The following HACD1 variants were observed in gnomAD, a reference collection of about 807,000 sequenced individuals.
HACD1 encodes very-long-chain (3R)-3-hydroxyacyl-CoA dehydratase 1.
Under a neutral mutation model 32.0 loss-of-function variants are expected in HACD1, and 41 were observed. The ratio of observed to expected loss-of-function variants is 1.28; its 90% CI spans 1.00 to 1.66. HACD1 has a LOEUF of 1.66. HACD1 is among the 40% of genes most tolerant of loss of function. The pLI is 0.00. For synonymous variants in HACD1, 142 were observed against 139.0 expected (o/e 1.02, Z -0.15); for missense variants, 396 against 380.1 (o/e 1.04, Z -0.35).
Position 17,589,319 on chromosome 10 carries a change from G to C in HACD1, c.*1045C>G, listed in dbSNP as rs1833901115. On this transcript the variant is annotated 3_prime_UTR_variant, in exon 7 of 7. Transcript: ENST00000361271. ...TTTTTCAGAGACAGGGTCTTGCTCT[G>C]TCACCCAGGCTTAAGTACAGTGGTA... 6.6e-6 allele frequency: 1 copy of C among 152,222 alleles called. No individual in the cohort carries two copies. Among genetic ancestry groups the C allele is most frequent in the African/African-American group, 2.4e-5 (1 of 41,422 alleles). The allele number at this position is 152,222 out of a possible 1,614,324, so 9.4% of individuals were successfully genotyped here.
chr10:17,593,168 T>C (rs990034290), intron 6 of HACD1, among the ~76,000 whole-genome samples: 3 of 152,020 alleles, frequency 2.0e-5, no homozygotes, highest in Non-Finnish European at 4.4e-5. Flanking sequence ...AGACTCTGTC[T>C]CAAAAAAAAC....
chr10:17,596,844 G>A (rs1481308270), intron 5 of HACD1, among the ~76,000 whole-genome samples: 1 of 152,074 alleles, frequency 6.6e-6, no homozygotes, highest in Non-Finnish European at 1.5e-5. Flanking sequence ...GAACACTTAT[G>A]ACACATAAAT....
Position 17,599,272 on chromosome 10 carries a change from A to G in HACD1, c.605+18T>C. ...CATGCACAGGACAAGGAGAAACTAA[A>G]CTGCAAGATATCGCCACCTGGCCCA... On this transcript the variant is annotated intron_variant, in intron 5 of 6. Coordinates refer to ENST00000361271, the MANE Select transcript of HACD1 (RefSeq NM_014241.4). The G allele has an allele frequency of 6.2e-7, 1 of 1,613,230 alleles. No individual in the cohort carries two copies. Among genetic ancestry groups the G allele is most frequent in the East Asian group, 2.2e-5 (1 of 44,864 alleles).
chr10:17,608,084 A>G (rs1174171123), intron 1 of HACD1, among the ~76,000 whole-genome samples: 1 of 152,026 alleles, frequency 6.6e-6, no homozygotes, highest in African/African-American at 2.4e-5. Context: ...CCCATGGCTC[A>G]TGGCAGCCTT....
intron 1 of HACD1, among the ~76,000 whole-genome samples, chr10:17,613,472 A>G (rs1365162255): frequency 3.3e-5 from 5 of 152,158 alleles, no homozygotes; most frequent in Admixed American, 6.5e-5. Context: ...CTCCAGTTCA[A>G]TCAAGAGAAT....
At chr10:17,616,854 C>A (rs868961322) in intron 1 of HACD1, among the ~76,000 whole-genome samples, 89 of 152,176 alleles carry the variant, frequency 5.8e-4, no homozygotes, top group Middle Eastern at 3.4e-3. Flanking sequence ...ACTTAACCTC[C>A]GGCCAGCGCC....
intron 1 of HACD1, among the ~76,000 whole-genome samples, chr10:17,610,486 A>T (rs1285141007): frequency 6.6e-6 from 1 of 152,098 alleles, no homozygotes; most frequent in African/African-American, 2.4e-5. Flanking sequence ...TTGTTTCTAC[A>T]AAAAATTTAA....
At chr10:17,615,004 G>T (rs1010873208) in intron 1 of HACD1, among the ~76,000 whole-genome samples, 5 of 151,410 alleles carry the variant, frequency 3.3e-5, no homozygotes, top group African/African-American at 1.2e-4. Context: ...CGCCCACCTC[G>T]GCCTTCCAAA....
intron 1 of HACD1, among the ~76,000 whole-genome samples, chr10:17,605,247 G>A (rs1479217906): frequency 6.6e-6 from 1 of 152,102 alleles, no homozygotes. Flanking sequence ...AAGATGGGCC[G>A]GGTGCAGTGG....
intron 1 of HACD1, among the ~76,000 whole-genome samples, chr10:17,613,119 TGTGTGTGTG>T (rs1554817697): frequency 2.0e-4 from 27 of 138,022 alleles, no homozygotes; most frequent in African/African-American, 7.1e-4. Context: ...TGTGTGTGTG[TGTGTGTGTG>T]TGTGTGTGTG....
chr10:17,600,217 A>T (rs1388863728), intron 4 of HACD1, among the ~76,000 whole-genome samples: 1 of 152,176 alleles, frequency 6.6e-6, no homozygotes, highest in Non-Finnish European at 1.5e-5. Context: ...TTCCATAAAA[A>T]ATCTTTTCCT....
At chr10:17,614,844 C>T (rs1833049861) in intron 1 of HACD1, among the ~76,000 whole-genome samples, 1 of 152,154 alleles carries the variant, frequency 6.6e-6, no homozygotes, top group Admixed American at 6.6e-5. Flanking sequence ...GCTCCCTCTC[C>T]CGGGTTCACG....
intron 1 of HACD1, among the ~76,000 whole-genome samples, chr10:17,608,018 AT>A (rs111722789): frequency 9.7e-4 from 144 of 148,038 alleles, no homozygotes; most frequent in Middle Eastern, 7.0e-3. Flanking sequence ...TGCAATTAGG[AT>A]TTTTTTTTTT....
intron 1 of HACD1, among the ~76,000 whole-genome samples, chr10:17,608,071 G>A (rs1834173868): frequency 6.6e-6 from 1 of 151,954 alleles, no homozygotes; most frequent in African/African-American, 2.4e-5. Context: ...AGTGAGTGGT[G>A]TGCCCATGGC....
At chr10:17,599,015 C>CA (rs1297550259) in intron 5 of HACD1, 604 of 396,644 alleles carry the variant, frequency 1.5e-3, no homozygotes, top group East Asian at 1.8e-3. Context: ...TTGTGCTTTC[C>CA]AAAAAAAAAT....
At chr10:17,612,145 T>C (rs939659497) in intron 1 of HACD1, among the ~76,000 whole-genome samples, 18 of 150,698 alleles carry the variant, frequency 1.2e-4, no homozygotes, top group African/African-American at 3.9e-4. Context: ...AAAAAATCCT[T>C]ACATCCTTTA....
At chr10:17,616,843 T>C (rs1345991311) in intron 1 of HACD1, among the ~76,000 whole-genome samples, 1 of 151,940 alleles carries the variant, frequency 6.6e-6, no homozygotes, top group Non-Finnish European at 1.5e-5. Flanking sequence ...CCCGGTTCTA[T>C]ACTTAACCTC....
At position 17,603,475 on chromosome 10, in the gene HACD1, AAT is replaced by A. The variant is rs1303822527; in HGVS notation, c.483+83_483+84del. On this transcript the variant is annotated intron_variant, in intron 4 of 6. Transcript: ENST00000361271. ...TTTGTCCAACACTTCCACCTCCTGAAATATACAAATGTTAATATTTTAGATTC... is the reference window on the plus strand; with the variant it reads ...TTTGTCCAACACTTCCACCTCCTGAAATACAAATGTTAATATTTTAGATTC... 266 of 1,268,882 alleles carry A rather than the reference AAT, an allele frequency of 2.1e-4. 1 individual carries two copies. Among genetic ancestry groups the A allele is most frequent in the Non-Finnish European group, 5.6e-6 (5 of 900,564 alleles). The allele number at this position is 1,268,882 out of a possible 1,614,324, so 78.6% of individuals were successfully genotyped here. A position where few individuals can be genotyped will look rare whatever the true frequency, so the allele number is the denominator to read the frequency against.
chr10:17,589,737 A>G lies in HACD1; in HGVS notation c.*627T>C, dbSNP rs1258591208. ...ATAAAAAGCAGATTTCCTTAGCAGT[A>G]TAAGTAATTTCAGCTGCCTAGAAAT... On this transcript the variant is annotated 3_prime_UTR_variant, in exon 7 of 7. Transcript: ENST00000361271. The G allele has an allele frequency of 2.0e-5, 3 of 152,248 alleles. No individual in the cohort carries two copies. The highest frequency in any genetic ancestry group is 7.2e-5 in the African/African-American group (3 of 41,454). 9.4% of individuals were successfully genotyped at this position (152,248 alleles called of 1,614,324 possible). A position where few individuals can be genotyped will look rare whatever the true frequency, so the allele number is the denominator to read the frequency against.
Sources: allele counts gnomAD v4.1 joint callset (sites outside exome capture counted in the v4.1 genomes callset), GRCh38; gene constraint gnomAD v4.1.1; transcripts MANE v1.5; gene names NCBI Gene and HGNC (gene_info 2026-07-23, HGNC 2026-07-21).